The following SH3GL2 variants were observed in gnomAD, a reference collection of about 807,000 sequenced individuals.
SH3GL2 encodes endophilin-A1.
Under a neutral mutation model 46.0 loss-of-function variants are expected in SH3GL2, and 24 were observed. That is an observed-to-expected ratio of 0.52 (90% confidence interval 0.38 to 0.73). The LOEUF (loss-of-function observed/expected upper bound fraction) is 0.73, where lower values mean the gene tolerates loss of function less well. Ranked by LOEUF, SH3GL2 falls within the 30% of genes least tolerant of loss-of-function variation. The pLI is 0.00. For synonymous variants in SH3GL2, 196 were observed against 147.1 expected, an observed-to-expected ratio of 1.33 and a Z score of -2.40; for missense variants, 413 against 424.2, an observed-to-expected ratio of 0.97 and a Z score of 0.23.
intron 1 of SH3GL2, among the ~76,000 whole-genome samples, chr9:17,669,010 A>T (rs537954666): frequency 6.9e-4 from 105 of 152,336 alleles, no homozygotes; most frequent in African/African-American, 2.4e-3. Context: ...TGCCACCTGT[A>T]GCATATACTA....
At chr9:17,668,343 C>T (rs1463750984) in intron 1 of SH3GL2, among the ~76,000 whole-genome samples, 2 of 152,176 alleles carry the variant, frequency 1.3e-5, no homozygotes, top group East Asian at 3.8e-4. Context: ...TGTGGATATC[C>T]AGAGTCCCAT....
intron 1 of SH3GL2, among the ~76,000 whole-genome samples, chr9:17,605,242 C>G (rs1548263): frequency 0.66 from 100,753 of 151,932 alleles, 37,769 homozygotes; most frequent in Non-Finnish European, 0.83. Context: ...GCCTCCCAAA[C>G]TACTGGCATT....
chr9:17,784,598 A>G (rs1429090049), intron 3 of SH3GL2, among the ~76,000 whole-genome samples: 1 of 152,134 alleles, frequency 6.6e-6, no homozygotes, highest in African/African-American at 2.4e-5. Flanking sequence ...GCCACTGTTT[A>G]TCTTACTCCT....
chr9:17,621,923 C>G (rs980362593), intron 1 of SH3GL2, among the ~76,000 whole-genome samples: 8 of 152,114 alleles, frequency 5.3e-5, no homozygotes, highest in African/African-American at 1.2e-4. Flanking sequence ...TGCTCTACAA[C>G]CCTTAATTTT....
At chr9:17,588,253 G>T (rs1818417174) in intron 1 of SH3GL2, among the ~76,000 whole-genome samples, 1 of 147,224 alleles carries the variant, frequency 6.8e-6, no homozygotes, top group African/African-American at 2.7e-5. Flanking sequence ...GCCAGGCCTG[G>T]AAGAGGAATA....
chr9:17,616,844 T>TA (rs1414355442), intron 1 of SH3GL2, among the ~76,000 whole-genome samples: 2 of 152,246 alleles, frequency 1.3e-5, no homozygotes, highest in Non-Finnish European at 2.9e-5. Flanking sequence ...ACTTATTTGT[T>TA]ACTTTTATTT....
chr9:17,793,329 G>T, intron 7 of SH3GL2, 38 bp from the exon 8 acceptor site: 1 of 1,577,304 alleles, frequency 6.3e-7, no homozygotes, highest in Non-Finnish European at 8.6e-7. Flanking sequence ...TTCTTAACTG[G>T]TTACATAACC....
intron 1 of SH3GL2, among the ~76,000 whole-genome samples, chr9:17,628,588 A>C (rs1819345286): frequency 6.6e-6 from 1 of 152,178 alleles, no homozygotes; most frequent in Non-Finnish European, 1.5e-5. Context: ...AACAGCATAC[A>C]TTTAGAGCTA....
At chr9:17,675,195 C>T (rs998696153) in intron 1 of SH3GL2, among the ~76,000 whole-genome samples, 1 of 152,186 alleles carries the variant, frequency 6.6e-6, no homozygotes, top group African/African-American at 2.4e-5. Flanking sequence ...ATTGGGAGCT[C>T]ATCTTCCCCT....
chr9:17,579,360 T>G (rs1818230614), intron 1 of SH3GL2, 73 bp downstream of exon 1: 1 of 1,104,272 alleles, frequency 9.1e-7, no homozygotes, highest in Non-Finnish European at 1.3e-6. Context: ...GCGCTGGCCG[T>G]CCGGCGGCAG....
chr9:17,772,266 T>C (rs550846241), intron 3 of SH3GL2, among the ~76,000 whole-genome samples: 1 of 152,346 alleles, frequency 6.6e-6, no homozygotes, highest in South Asian at 2.1e-4. Flanking sequence ...CATCTTACAA[T>C]TGTAATCTCT....
In SH3GL2 at chr9:17,696,428, C is replaced by G. The variant is rs150132019; in HGVS notation, c.46-50638C>G. 1.2e-3 allele frequency among the ~76,000 whole-genome samples: 184 copies of G among 152,274 alleles called. 1 individual carries two copies. Among genetic ancestry groups the G allele is most frequent in the African/African-American group, 3.9e-3 (160 of 41,546 alleles). ...ACTATGGTATATTAGTCCATTCTCACACTGCTATGAAGAAATACCTGAGAT... is the reference window on the plus strand; with the variant it reads ...ACTATGGTATATTAGTCCATTCTCAGACTGCTATGAAGAAATACCTGAGAT... On this transcript the variant is annotated intron_variant, in intron 1 of 8. Transcript: ENST00000380607.
intron 1 of SH3GL2, among the ~76,000 whole-genome samples, chr9:17,717,809 T>A (rs1821798728): frequency 1.0e-5 from 1 of 96,516 alleles, no homozygotes; most frequent in South Asian, 3.4e-4. Flanking sequence ...TGTTTGATAT[T>A]ATTTAGTAGT....
chr9:17,581,531 T>C (rs1350082474), intron 1 of SH3GL2, among the ~76,000 whole-genome samples: 3 of 152,234 alleles, frequency 2.0e-5, no homozygotes, highest in African/African-American at 7.2e-5. Context: ...TGTTAATGTT[T>C]GCATGTGACA....
intron 1 of SH3GL2, among the ~76,000 whole-genome samples, chr9:17,602,430 CTCTT>C (rs1047421865): frequency 8.5e-5 from 13 of 152,228 alleles, no homozygotes; most frequent in South Asian, 2.1e-4. Flanking sequence ...TTTTGCTTTC[CTCTT>C]TCTAAGTGTT....
intron 1 of SH3GL2, among the ~76,000 whole-genome samples, chr9:17,716,158 TATC>T (rs1486031839): frequency 6.6e-6 from 1 of 152,286 alleles, no homozygotes; most frequent in African/African-American, 2.4e-5. Context: ...CAAACAATTG[TATC>T]ATCTGTGGCA....
intron 1 of SH3GL2, among the ~76,000 whole-genome samples, chr9:17,663,369 T>A (rs67384654): frequency 6.6e-6 from 1 of 151,922 alleles, no homozygotes; most frequent in South Asian, 2.1e-4. Context: ...TCCTTTTGTC[T>A]GCTTTCCTCC....
At chr9:17,625,513 C>G (rs145590018) in intron 1 of SH3GL2, among the ~76,000 whole-genome samples, 35 of 152,256 alleles carry the variant, frequency 2.3e-4, no homozygotes, top group African/African-American at 7.9e-4. Context: ...CTGGACAATA[C>G]CTTGTGTGAT....
chr9:17,707,712 A>G (rs1180702341), intron 1 of SH3GL2, among the ~76,000 whole-genome samples: 2 of 152,070 alleles, frequency 1.3e-5, no homozygotes, highest in Non-Finnish European at 2.9e-5. Flanking sequence ...GTGAAAGTTG[A>G]TATTGATACC....
Sources: allele counts gnomAD v4.1 joint callset (sites outside exome capture counted in the v4.1 genomes callset), GRCh38; gene constraint gnomAD v4.1.1; transcripts MANE v1.5; gene names NCBI Gene and HGNC (gene_info 2026-07-23, HGNC 2026-07-21).